C1D: variants seen among roughly 807,000 people sequenced by gnomAD.
C1D encodes the protein nuclear nucleic acid-binding protein C1D.
Under a neutral mutation model 17.5 loss-of-function variants are expected in C1D, and 10 were observed. That is an observed-to-expected ratio of 0.57 (90% CI 0.35 to 0.97). The LOEUF is 0.97. Among genes scored for constraint, C1D ranks in the 50% least tolerant of loss-of-function variants. The pLI, the probability that C1D is intolerant of heterozygous loss-of-function variation, is 0.01. For synonymous variants in C1D, 49 were observed against 54.0 expected (o/e 0.91, Z 0.40); for missense variants, 136 against 160.1 (o/e 0.85, Z 0.81).
In C1D at chr2:68,042,420, T is replaced by TTA. The variant is rs1241849686; in HGVS notation, c.*468_*469insTA. ...AGTAATTCCTAAAATCATGAAAACA[T>TTA]GATAAAGTATCTATACAGAAAAAAA... On this transcript the variant is annotated 3_prime_UTR_variant, in exon 5 of 5. Coordinates refer to ENST00000410067, the MANE Select transcript of C1D (RefSeq NM_173177.3). 3 of 152,738 alleles carry TTA rather than the reference T, an allele frequency of 2.0e-5. No individual in the cohort carries two copies. The highest frequency in any genetic ancestry group is 7.2e-5 in the African/African-American group (3 of 41,460). 9.5% of individuals were successfully genotyped at this position (152,738 alleles called of 1,614,324 possible).
chr2:68,052,040 G>C (rs539716146), intron 1 of C1D, among the ~76,000 whole-genome samples: 1 of 151,976 alleles, frequency 6.6e-6, no homozygotes, highest in African/African-American at 2.4e-5. Context: ...CATCGACAGG[G>C]AAACAGTTAA....
At chr2:68,046,914 A>G (rs1671141115) in intron 2 of C1D, among the ~76,000 whole-genome samples, 2 of 152,022 alleles carry the variant, frequency 1.3e-5, no homozygotes. Context: ...AAGGTCAAAG[A>G]TAGAGTCTGT....
In C1D at chr2:68,042,808, C is replaced by T. The variant is rs973730108; in HGVS notation, c.*81G>A. ...AATAAGAAACACATTTAAACCTTGC[C>T]CTGCCACAGAATTATTTTGCGGGGG... is the stretch of plus-strand genomic sequence containing the variant. On this transcript the variant is annotated 3_prime_UTR_variant, in exon 5 of 5. Transcript: ENST00000410067. 1.5e-5 allele frequency: 10 copies of T among 660,682 alleles called. 1 individual carries two copies. Among genetic ancestry groups the T allele is most frequent in the African/African-American group, 9.0e-5 (4 of 44,542 alleles). 40.9% of individuals were successfully genotyped at this position (660,682 alleles called of 1,614,324 possible).
chr2:68,045,069 T>G (rs954144683), intron 4 of C1D, among the ~76,000 whole-genome samples: 1 of 151,912 alleles, frequency 6.6e-6, no homozygotes, highest in African/African-American at 2.4e-5. Context: ...AAATTTATTT[T>G]CCCCCCCAAG....
chr2:68,054,322 T>C (rs1190275655), intron 1 of C1D, among the ~76,000 whole-genome samples: 2 of 152,256 alleles, frequency 1.3e-5, no homozygotes, highest in East Asian at 1.9e-4. Flanking sequence ...AGGTTTCAAC[T>C]AGAGAAGCAG....
Position 68,042,570 on chromosome 2 carries a change from A to C in C1D, c.*319T>G, listed in dbSNP as rs1284606766. 1 of 180,338 alleles carries C rather than the reference A, an allele frequency of 5.5e-6. No homozygotes were observed. The highest frequency in any genetic ancestry group is 1.1e-4 in the South Asian group (1 of 9,292). 11.2% of individuals were successfully genotyped at this position (180,338 alleles called of 1,614,324 possible). ...TTCATTTAAAATAGTACAAATGTTT[A>C]CAAAGAACATTTCACTTAAATTTCA... is the stretch of plus-strand genomic sequence containing the variant. On this transcript the variant is annotated 3_prime_UTR_variant, in exon 5 of 5. Transcript: ENST00000410067.
chr2:68,054,789 T>G (rs1342535567), intron 1 of C1D, among the ~76,000 whole-genome samples: 2 of 147,510 alleles, frequency 1.4e-5, no homozygotes, highest in Non-Finnish European at 1.5e-5. Flanking sequence ...GACAGACCCA[T>G]CTCTAAAAAA....
chr2:68,062,183 G>A (rs1160814595), intron 1 of C1D, among the ~76,000 whole-genome samples: 1 of 152,122 alleles, frequency 6.6e-6, no homozygotes, highest in Non-Finnish European at 1.5e-5. Flanking sequence ...ATACACCTAT[G>A]TACCCACAAA....
chr2:68,053,142 A>C (rs1055960153), intron 1 of C1D: 18 of 1,550,638 alleles, frequency 1.2e-5, no homozygotes, highest in Non-Finnish European at 1.6e-5. Flanking sequence ...CACTGGCTGC[A>C]GAGGTAGAGA....
intron 1 of C1D, among the ~76,000 whole-genome samples, chr2:68,062,622 GT>G (rs891988496): frequency 6.6e-6 from 1 of 152,170 alleles, no homozygotes; most frequent in Admixed American, 6.5e-5. Flanking sequence ...AGACTTCAAT[GT>G]TTTTTGATTT....
chr2:68,053,672 T>C (rs372093383), intron 1 of C1D, among the ~76,000 whole-genome samples: 73 of 152,314 alleles, frequency 4.8e-4, no homozygotes, highest in African/African-American at 1.5e-3. Flanking sequence ...CCCCTCAGCG[T>C]AGATGCAAGG....
chr2:68,062,104 C>A (rs1416323192), intron 1 of C1D, among the ~76,000 whole-genome samples: 1 of 152,158 alleles, frequency 6.6e-6, no homozygotes, highest in African/African-American at 2.4e-5. Context: ...GGGATGGATA[C>A]CCCATTTTCC....
Position 68,042,976 on chromosome 2 carries a change from T to C in C1D, c.339A>G (p.Ala113=). The C allele has an allele frequency of 2.5e-6, 4 of 1,611,550 alleles. No homozygotes were observed. The highest frequency in any genetic ancestry group is 3.4e-6 in the Non-Finnish European group (4 of 1,178,214). ...KKKAGKLDRG[A]ASRFVKNALW... is the part of the protein sequence containing the mutation. Reference sequence around the variant, plus strand: ...GGGCATTTTTTACAAATCTTGAAGCTGCACCTCTGTCCAGCTTGCCAGCCT... The same window carrying C: ...GGGCATTTTTTACAAATCTTGAAGCCGCACCTCTGTCCAGCTTGCCAGCCT... The change falls in exon 5 of 5, where the codon GCA becomes GCG. Residue 113 remains alanine, a synonymous_variant. Transcript: ENST00000410067.
chr2:68,057,087 A>C (rs781478320), intron 1 of C1D, among the ~76,000 whole-genome samples: 7 of 152,216 alleles, frequency 4.6e-5, no homozygotes, highest in Non-Finnish European at 8.8e-5. Context: ...GGTACAGCTT[A>C]GAAAGATTCC....
intron 1 of C1D, among the ~76,000 whole-genome samples, chr2:68,062,525 C>T (rs1476280445): frequency 6.6e-6 from 1 of 152,194 alleles, no homozygotes; most frequent in Non-Finnish European, 1.5e-5. Flanking sequence ...GAATGATAAA[C>T]GGAGCTAACA....
At chr2:68,044,573 T>C (rs1671063444) in intron 4 of C1D, among the ~76,000 whole-genome samples, 1 of 152,134 alleles carries the variant, frequency 6.6e-6, no homozygotes, top group Non-Finnish European at 1.5e-5. Context: ...CTGGGCGTGG[T>C]GGCAGGCGCC....
chr2:68,055,890 A>G lies in C1D; in HGVS notation c.-10+7068T>C, dbSNP rs184993158. Among the ~76,000 whole-genome samples the G allele has an allele frequency of 2.6e-3, 401 of 152,336 alleles. 2 individuals carry two copies. The highest frequency in any genetic ancestry group is 9.4e-3 in the African/African-American group (391 of 41,590). On this transcript the variant is annotated intron_variant, in intron 1 of 4. Transcript: ENST00000410067. ...ACTCACAAACTAGCTTTTAGAATAC[A>G]ACTCCGTTCATATATAGGAGAATAA...
intron 1 of C1D, among the ~76,000 whole-genome samples, chr2:68,048,994 C>T (rs548649489): frequency 5.9e-5 from 9 of 151,920 alleles, no homozygotes; most frequent in African/African-American, 1.9e-4. Flanking sequence ...GTCAGGAGTT[C>T]GAGACCAGCC....
intron 1 of C1D, among the ~76,000 whole-genome samples, chr2:68,053,581 A>G (rs1326378596): frequency 6.6e-6 from 1 of 152,220 alleles, no homozygotes; most frequent in Non-Finnish European, 1.5e-5. Flanking sequence ...ATTACAAAAT[A>G]TGCTTTAAAC....
Sources: gnomAD v4.1 joint callset for allele counts (sites outside exome capture counted in the v4.1 genomes callset) on GRCh38, gnomAD v4.1.1 for gene constraint, MANE v1.5 for transcripts, NCBI Gene and HGNC (gene_info 2026-07-23, HGNC 2026-07-21) for gene names.